Variants in GLI3 observed in about 807,000 individuals in gnomAD.
GLI3 encodes the protein GLI family zinc finger 3, also known as transcription activator GLI3.
GLI3 carries 20 observed loss-of-function variants against 100.8 expected under a neutral mutation model. That is an observed-to-expected ratio of 0.20 (90% confidence interval 0.14 to 0.29). The LOEUF (loss-of-function observed/expected upper bound fraction) is 0.29. GLI3 is among the 10% of genes least tolerant of loss of function. The pLI is 1.00. For synonymous variants in GLI3, 938 were observed against 860.5 expected, an observed-to-expected ratio of 1.09 and a Z score of -1.58; for missense variants, 2,040 against 2,128.5, an observed-to-expected ratio of 0.96 and a Z score of 0.82.
At chr7:42,178,709 A>AT (rs1787530908) in intron 2 of GLI3, among the ~76,000 whole-genome samples, 1 of 152,302 alleles carries the variant, frequency 6.6e-6, no homozygotes, top group South Asian at 2.1e-4. Flanking sequence ...TCACTGGAAG[A>AT]TTAGAGTTTA....
chr7:42,093,035 A>G (rs1369959588), intron 3 of GLI3, among the ~76,000 whole-genome samples: 3 of 151,836 alleles, frequency 2.0e-5, no homozygotes, highest in African/African-American at 7.2e-5. Context: ...GCTGGTTTCA[A>G]ACTTCTGACC....
chr7:42,222,736 G>A (rs1168582180), intron 2 of GLI3: 1 of 229,312 alleles, frequency 4.4e-6, no homozygotes, highest in East Asian at 1.1e-4. Context: ...CTGCTGTCCT[G>A]TCACTAATTT....
intron 2 of GLI3, among the ~76,000 whole-genome samples, chr7:42,218,537 G>A (rs2128700868): frequency 6.6e-6 from 1 of 151,200 alleles, no homozygotes; most frequent in African/African-American, 2.4e-5. Context: ...GCAAGGCCAA[G>A]AAGTGACCAA....
intron 2 of GLI3, among the ~76,000 whole-genome samples, chr7:42,198,733 T>C (rs1787978440): frequency 1.3e-5 from 2 of 151,926 alleles, no homozygotes; most frequent in African/African-American, 4.8e-5. Context: ...AGGGCGCAAC[T>C]TTGATACCTC....
intron 13 of GLI3, among the ~76,000 whole-genome samples, chr7:41,968,713 G>GAAAGAAAGAAGA (rs1554305425): frequency 1.1e-5 from 1 of 93,896 alleles, no homozygotes; most frequent in African/African-American, 4.4e-5. Context: ...AAGAAAGAAA[G>GAAAGAAAGAAGA]AAGAAAGAAA....
chr7:41,965,018 GAGGTA>G lies in GLI3; in HGVS notation c.4050_4054del (p.Ser1352HisfsTer58). On this transcript the variant is annotated frameshift_variant, in exon 15 of 15. Coordinates refer to ENST00000395925, the MANE Select transcript of GLI3 (RefSeq NM_000168.6). LOFTEE classifies it high-confidence loss of function. The stretch of plus-strand genomic sequence containing the variant: ...TGGCCCTTGGTAGATGTTGATGTGT[GAGGTA>G]GCACTAATCTGCCCAAGCATCTGCT... 1 of 1,613,896 alleles carries G rather than the reference GAGGTA, an allele frequency of 6.2e-7. No individual in the cohort carries two copies. Among genetic ancestry groups the G allele is most frequent in the Non-Finnish European group, 8.5e-7 (1 of 1,180,004 alleles).
upstream of GLI3, among the ~76,000 whole-genome samples, chr7:42,242,833 G>T (rs1317051639): frequency 6.6e-6 from 1 of 152,170 alleles, no homozygotes; most frequent in African/African-American, 2.4e-5. Context: ...TTCTTATGAG[G>T]AATTTTGGTG....
intron 4 of GLI3, among the ~76,000 whole-genome samples, chr7:42,055,529 TC>T (rs1784442646): frequency 6.6e-6 from 1 of 152,100 alleles, no homozygotes; most frequent in Non-Finnish European, 1.5e-5. Flanking sequence ...AGGCCACTGT[TC>T]CTGGTGGGCG....
chr7:41,966,765 A>G lies in GLI3; in HGVS notation c.2432-124T>C. On this transcript the variant is annotated intron_variant, in intron 14 of 14. Transcript: ENST00000395925. The surrounding 1 kb of genome is among the most constrained non-coding windows in gnomAD (Gnocchi z 5.8). ...GGAACTATTTCTGGTGTCCCAGGCC[A>G]CATTGCCTGCCTCACAACTACTCAG... 1.1e-6 allele frequency: 1 copy of G among 941,314 alleles called. No individual in the cohort carries two copies. Among genetic ancestry groups the G allele is most frequent in the Non-Finnish European group, 1.7e-6 (1 of 597,616 alleles). The allele number at this position is 941,314 out of a possible 1,614,324, so 58.3% of individuals were successfully genotyped here.
At chr7:42,097,663 G>T (rs1442233755) in intron 3 of GLI3, among the ~76,000 whole-genome samples, 1 of 152,176 alleles carries the variant, frequency 6.6e-6, no homozygotes, top group East Asian at 1.9e-4. Flanking sequence ...TCAAGCCTTT[G>T]TCCTTTGAAA....
chr7:41,996,959 C>T (rs1363712878), intron 10 of GLI3, among the ~76,000 whole-genome samples: 2 of 152,148 alleles, frequency 1.3e-5, no homozygotes, highest in African/African-American at 2.4e-5. Context: ...TTTACAATTC[C>T]TCCTTGATTT....
At chr7:42,002,856 T>C (rs546541154) in intron 10 of GLI3, among the ~76,000 whole-genome samples, 6 of 152,204 alleles carry the variant, frequency 3.9e-5, no homozygotes, top group East Asian at 1.9e-4. Context: ...CTTGTTTCCA[T>C]CATCTGGAAA....
intron 2 of GLI3, among the ~76,000 whole-genome samples, chr7:42,182,662 A>ATATACGTGTGCG: frequency 1.3e-5 from 1 of 76,742 alleles, no homozygotes. Flanking sequence ...ATATATATAT[A>ATATACGTGTGCG]TATATATATA....
chr7:42,168,156 A>C (rs2128674803), intron 2 of GLI3, among the ~76,000 whole-genome samples: 1 of 152,388 alleles, frequency 6.6e-6, no homozygotes, highest in Non-Finnish European at 1.5e-5. Flanking sequence ...CCTGGTCTTA[A>C]GCCAACAGTC....
intron 3 of GLI3, among the ~76,000 whole-genome samples, chr7:42,082,216 A>G (rs1785010937): frequency 6.6e-6 from 1 of 152,016 alleles, no homozygotes; most frequent in East Asian, 1.9e-4. Flanking sequence ...GAGATAGTAG[A>G]GAGGCAGCCC....
chr7:42,189,304 C>A (rs953310599), intron 2 of GLI3, among the ~76,000 whole-genome samples: 2 of 152,122 alleles, frequency 1.3e-5, no homozygotes, highest in Admixed American at 1.3e-4. Context: ...GAACATGCAA[C>A]GTACAAAAAT....
chr7:42,226,460 G>A (rs1788584060), intron 1 of GLI3, among the ~76,000 whole-genome samples: 1 of 152,202 alleles, frequency 6.6e-6, no homozygotes, highest in South Asian at 2.1e-4. Context: ...ACCATAGAGA[G>A]AGGCTCAAGT....
chr7:42,161,926 A>G (rs911459012), intron 2 of GLI3, among the ~76,000 whole-genome samples: 2 of 152,216 alleles, frequency 1.3e-5, no homozygotes, highest in African/African-American at 2.4e-5. Flanking sequence ...AACACAAACA[A>G]TACAAACCAG....
chr7:42,053,176 T>C (rs1244504288), intron 4 of GLI3, among the ~76,000 whole-genome samples: 2 of 152,200 alleles, frequency 1.3e-5, no homozygotes, highest in Non-Finnish European at 2.9e-5. Flanking sequence ...TTTGTCTTTT[T>C]AGTAGAGACA....
Sources: allele counts gnomAD v4.1 joint callset (sites outside exome capture counted in the v4.1 genomes callset), GRCh38; gene constraint gnomAD v4.1.1; non-coding constraint Gnocchi (gnomAD v3.1); transcripts MANE v1.5; gene names NCBI Gene and HGNC (gene_info 2026-07-23, HGNC 2026-07-21).